Variants in HYDIN observed in about 807,000 individuals in gnomAD.
HYDIN encodes HYDIN axonemal central pair apparatus protein, also known as axonemal central pair apparatus protein HYDIN.
HYDIN carries 132 observed loss-of-function variants against 403.9 expected under a neutral mutation model. That is an observed-to-expected ratio of 0.33 (90% CI 0.28 to 0.38). HYDIN has a LOEUF of 0.38. HYDIN is among the 10% of genes least tolerant of loss of function. The pLI, the probability that HYDIN is intolerant of heterozygous loss-of-function variation, is 1.00. For missense variants in HYDIN, 2,827 were observed against 5,009.5 expected, an observed-to-expected ratio of 0.56 and a Z score of 13.15; for synonymous variants, 1,202 against 1,891.7, an observed-to-expected ratio of 0.64 and a Z score of 9.46.
intron 18 of HYDIN, among the ~76,000 whole-genome samples, chr16:71,039,529 G>A (rs1241526432): frequency 6.6e-6 from 1 of 152,082 alleles, no homozygotes; most frequent in Non-Finnish European, 1.5e-5. Flanking sequence ...AACCACCCAT[G>A]GCCCCACCCC....
intron 5 of HYDIN, among the ~76,000 whole-genome samples, chr16:71,175,034 T>C (rs563551319): frequency 6.6e-6 from 1 of 151,634 alleles, no homozygotes; most frequent in African/African-American, 2.4e-5. Flanking sequence ...CCACCGCCTA[T>C]ACCACCATCA....
chr16:70,888,534 C>T (rs1343967605), intron 58 of HYDIN, among the ~76,000 whole-genome samples: 3 of 151,648 alleles, frequency 2.0e-5, no homozygotes, highest in Admixed American at 6.5e-5. Flanking sequence ...TGTTACTGTT[C>T]TGTTGATGCC....
chr16:70,970,515 C>T lies in HYDIN; in HGVS notation c.5619+5G>A, dbSNP rs772782354. The T allele has an allele frequency of 1.3e-5, 20 of 1,595,996 alleles. No homozygotes were observed. The highest frequency in any genetic ancestry group is 1.6e-5 in the Non-Finnish European group (19 of 1,167,944). ...GAAAAACAGTTTGGTTTGACCTCTG[C>T]TCACCTTTTCTTCTATGAGATACTG... On this transcript the variant is annotated splice_donor_5th_base_variant and intron_variant, in intron 36 of 85. Transcript: ENST00000393567.
intron 20 of HYDIN, among the ~76,000 whole-genome samples, chr16:71,026,705 G>C (rs1415006174): frequency 1.3e-5 from 2 of 152,198 alleles, no homozygotes; most frequent in Non-Finnish European, 2.9e-5. Context: ...GTTGAACTGA[G>C]GATGCGTTTT....
chr16:70,944,907 C>T (rs926070655), intron 41 of HYDIN, among the ~76,000 whole-genome samples: 2 of 152,174 alleles, frequency 1.3e-5, no homozygotes, highest in African/African-American at 4.8e-5. Context: ...TGTGCACCAC[C>T]ATGCCTTGTT....
chr16:71,068,249 C>T (rs1181553652), intron 14 of HYDIN, among the ~76,000 whole-genome samples: 1 of 147,072 alleles, frequency 6.8e-6, no homozygotes, highest in African/African-American at 2.6e-5. Context: ...CAGCTTCTGG[C>T]ATGAGTTAAG....
intron 1 of HYDIN, among the ~76,000 whole-genome samples, chr16:71,210,210 G>A (rs569921778): frequency 5.3e-5 from 8 of 152,206 alleles, no homozygotes; most frequent in African/African-American, 9.6e-5. Context: ...ACATGCACAC[G>A]TATGTTCACT....
rs2035666838 is a variant in HYDIN, at chr16:70,813,913, C to T, written c.14659-3906G>A. Among the ~76,000 whole-genome samples, 4 of 152,112 alleles carry T rather than the reference C, an allele frequency of 2.6e-5. No homozygotes were observed. In the South Asian group the frequency reaches 8.3e-4, roughly 32 times the overall value. On this transcript the variant is annotated intron_variant, in intron 84 of 85. Coordinates refer to ENST00000393567, the MANE Select transcript of HYDIN (RefSeq NM_001270974.2). ...TAATTAGGATGCTCTGATATTGGCA[C>T]AAATTCAGTAATTAGATCATTATGA...
At chr16:71,185,591 T>A (rs1354668937) in intron 2 of HYDIN, among the ~76,000 whole-genome samples, 2 of 152,098 alleles carry the variant, frequency 1.3e-5, no homozygotes, top group East Asian at 1.9e-4. Flanking sequence ...AATCAGCAGA[T>A]CCCACAGCCA....
chr16:71,098,781 G>A (rs113803954), intron 10 of HYDIN, among the ~76,000 whole-genome samples: 3,314 of 142,446 alleles, frequency 0.023, no homozygotes, highest in East Asian at 0.098. Flanking sequence ...ATAAAGCAGT[G>A]AGCCAATGTT....
At chr16:70,963,979 A>G (rs2078495054) in intron 37 of HYDIN, among the ~76,000 whole-genome samples, 5 of 125,552 alleles carry the variant, frequency 4.0e-5, no homozygotes. Context: ...CACAGATGAA[A>G]GCAAGTAAAA....
At chr16:70,967,543 G>A (rs1246895094) in intron 36 of HYDIN, among the ~76,000 whole-genome samples, 3 of 151,680 alleles carry the variant, frequency 2.0e-5, no homozygotes, top group Non-Finnish European at 2.9e-5. Flanking sequence ...GTGCAGTGGC[G>A]CGATCACAGC....
In HYDIN at chr16:70,973,451, G is replaced by A. The variant is rs200327789; in HGVS notation, c.5271C>T (p.Arg1757=). The change falls in exon 35 of 86, where the codon CGC becomes CGT. Residue 1757 remains arginine, a synonymous_variant. Coordinates refer to ENST00000393567, the MANE Select transcript of HYDIN (RefSeq NM_001270974.2). ...TCCGTGTCTTTGGCTTTAATTCAGC[G>A]CGTAGTTTCTGTCTTAAGTACTTCG... ...HMPKYLRQKL[R]AELKPKTRIF... is the part of the protein sequence containing the mutation. The A allele has an allele frequency of 2.4e-3, 1,278 of 528,416 alleles. 4 individuals carry two copies. Among genetic ancestry groups the A allele is most frequent in the African/African-American group, 0.018 (861 of 47,262 alleles). The allele number at this position is 528,416 out of a possible 1,614,324, so 32.7% of individuals were successfully genotyped here.
At chr16:71,020,392 T>C in intron 21 of HYDIN, 75 bp from the exon 22 acceptor site, 1 of 1,527,752 alleles carries the variant, frequency 6.5e-7, no homozygotes, top group Non-Finnish European at 8.8e-7. Flanking sequence ...AGTCTCAGGT[T>C]CATTGTTTAG....
At chr16:71,152,174 C>T (rs2085561007) in intron 7 of HYDIN, among the ~76,000 whole-genome samples, 1 of 150,480 alleles carries the variant, frequency 6.6e-6, no homozygotes, top group South Asian at 2.1e-4. Flanking sequence ...CTTTCAAGCA[C>T]TGGGGACACC....
intron 37 of HYDIN, among the ~76,000 whole-genome samples, chr16:70,962,642 C>T (rs557087443): frequency 4.7e-5 from 7 of 149,752 alleles, no homozygotes; most frequent in South Asian, 2.1e-4. Context: ...GCTATCCTTT[C>T]GTTGGCCCAA....
At chr16:70,866,762 G>C (rs890303612) in intron 66 of HYDIN, among the ~76,000 whole-genome samples, 1 of 149,296 alleles carries the variant, frequency 6.7e-6, no homozygotes, top group South Asian at 2.1e-4. Flanking sequence ...GGTGGCTCAC[G>C]GCCCATAATC....
chr16:70,891,435 C>T (rs1476782134), intron 57 of HYDIN, among the ~76,000 whole-genome samples: 5 of 152,216 alleles, frequency 3.3e-5, no homozygotes, highest in East Asian at 1.9e-4. Context: ...GTGATCTGCC[C>T]GCCTTGGCCT....
At chr16:71,081,332 TCTAA>T (rs895620583) in intron 12 of HYDIN, among the ~76,000 whole-genome samples, 2 of 151,064 alleles carry the variant, frequency 1.3e-5, no homozygotes, top group Admixed American at 1.3e-4. Context: ...AAGTTTCAGG[TCTAA>T]CTTTCTCATG....
Sources: allele counts gnomAD v4.1 joint callset (sites outside exome capture counted in the v4.1 genomes callset), GRCh38; gene constraint gnomAD v4.1.1; transcripts MANE v1.5; gene names NCBI Gene and HGNC (gene_info 2026-07-23, HGNC 2026-07-21).